Variants in DISC1 observed in about 807,000 individuals in gnomAD.
The protein encoded by DISC1 is DISC1 scaffold protein, also known as disrupted in schizophrenia 1 protein.
Under a neutral mutation model 84.5 loss-of-function variants are expected in DISC1, and 57 were observed. The ratio of observed to expected loss-of-function variants is 0.67; its 90% CI spans 0.55 to 0.84. The LOEUF is 0.84. DISC1 is among the 40% of genes least tolerant of loss of function. DISC1 has a pLI of 0.00. For missense variants in DISC1, 1,000 were observed against 1,057.8 expected (o/e 0.95, Z 0.76); for synonymous variants, 411 against 415.2 (o/e 0.99, Z 0.12).
chr1:231,647,518 C>G (rs985722940), intron 1 of DISC1, among the ~76,000 whole-genome samples: 3 of 152,186 alleles, frequency 2.0e-5, no homozygotes, highest in African/African-American at 7.2e-5. Context: ...GTTCTTCTTG[C>G]TTAGGATTGT....
chr1:231,880,067 A>C (rs2086184792), intron 9 of DISC1, among the ~76,000 whole-genome samples: 1 of 152,228 alleles, frequency 6.6e-6, no homozygotes, highest in Admixed American at 6.5e-5. Flanking sequence ...AGGTGGTTGG[A>C]TCATGAGTGC....
At chr1:232,032,416 A>T (rs1464183351) in intron 12 of DISC1, among the ~76,000 whole-genome samples, 1 of 152,176 alleles carries the variant, frequency 6.6e-6, no homozygotes, top group East Asian at 1.9e-4. Flanking sequence ...TCCTGAATGC[A>T]CCTGTCCTGC....
At chr1:231,921,755 G>A (rs1257122552) in intron 9 of DISC1, among the ~76,000 whole-genome samples, 3 of 148,506 alleles carry the variant, frequency 2.0e-5, no homozygotes, top group Non-Finnish European at 3.0e-5. Context: ...CATATGTTGT[G>A]TAATGATTAC....
chr1:231,918,772 G>T (rs1295524065), intron 9 of DISC1, among the ~76,000 whole-genome samples: 4 of 152,140 alleles, frequency 2.6e-5, no homozygotes, highest in Non-Finnish European at 4.4e-5. Flanking sequence ...GAAGAGACAT[G>T]GGGGGAAGGA....
In DISC1 at chr1:231,740,628, T is replaced by C. The variant is rs2073132231; in HGVS notation, c.1118-9298T>C. 2.0e-5 allele frequency among the ~76,000 whole-genome samples: 3 copies of C among 152,204 alleles called. No individual in the cohort carries two copies. The East Asian group carries it at 5.8e-4, about 29-fold the overall frequency. Reference sequence around the variant, plus strand: ...CAGGTTGAGTACCTCTTCTATGAAATGCTTAGAACCAGAAGTGTTTTAAAT... The same window carrying C: ...CAGGTTGAGTACCTCTTCTATGAAACGCTTAGAACCAGAAGTGTTTTAAAT... On this transcript the variant is annotated intron_variant, in intron 3 of 12. Coordinates refer to ENST00000439617, the MANE Select transcript of DISC1 (RefSeq NM_018662.3).
At chr1:231,753,871 A>AGT (rs2074869929) in intron 4 of DISC1, among the ~76,000 whole-genome samples, 2 of 152,202 alleles carry the variant, frequency 1.3e-5, no homozygotes, top group African/African-American at 4.8e-5. Context: ...GATACCCTAA[A>AGT]TCATTAATCT....
At chr1:232,021,969 G>T (rs1456062098) in intron 11 of DISC1, among the ~76,000 whole-genome samples, 1 of 152,110 alleles carries the variant, frequency 6.6e-6, no homozygotes, top group African/African-American at 2.4e-5. Context: ...CCATGTAGCT[G>T]GGGCTTCCTC....
intron 3 of DISC1, among the ~76,000 whole-genome samples, chr1:231,711,321 T>C (rs1356582754): frequency 1.3e-5 from 2 of 151,894 alleles, no homozygotes; most frequent in Non-Finnish European, 2.9e-5. Flanking sequence ...ATTTTTTTTT[T>C]AGAATTGATG....
chr1:231,770,754 A>C, intron 5 of DISC1, 81 bp from the exon 6 acceptor site: 1 of 1,557,556 alleles, frequency 6.4e-7, no homozygotes, highest in Non-Finnish European at 8.7e-7. Context: ...GCCAATTCTC[A>C]TTTAAACGAG....
At chr1:231,878,098 T>G (rs2086026646) in intron 9 of DISC1, among the ~76,000 whole-genome samples, 1 of 152,252 alleles carries the variant, frequency 6.6e-6, no homozygotes, top group African/African-American at 2.4e-5. Flanking sequence ...TTCATTCTTT[T>G]ATTAATATTT....
At chr1:231,768,393 AAGTC>A (rs1376797315) in intron 5 of DISC1, among the ~76,000 whole-genome samples, 3 of 152,130 alleles carry the variant, frequency 2.0e-5, no homozygotes, top group Non-Finnish European at 2.9e-5. Flanking sequence ...AGGGAGGAAA[AAGTC>A]AGGGCAATTT....
intron 9 of DISC1, among the ~76,000 whole-genome samples, chr1:231,904,164 G>A (rs970134969): frequency 4.6e-5 from 7 of 152,260 alleles, no homozygotes; most frequent in South Asian, 2.1e-4. Flanking sequence ...TTGAGTTGGA[G>A]GCTTTGCTCA....
At chr1:231,756,434 T>C (rs922977831) in intron 4 of DISC1, among the ~76,000 whole-genome samples, 4 of 152,212 alleles carry the variant, frequency 2.6e-5, no homozygotes, top group Admixed American at 1.3e-4. Context: ...CCATAATCTG[T>C]ATTCTATATT....
chr1:231,925,710 TA>T (rs1432250359), intron 9 of DISC1: 1 of 152,150 alleles, frequency 6.6e-6, no homozygotes, highest in Non-Finnish European at 1.5e-5. Context: ...ATCCAATGAT[TA>T]GTATTTTTTA....
chr1:231,747,491 A>G (rs2074124277), intron 3 of DISC1, among the ~76,000 whole-genome samples: 1 of 152,184 alleles, frequency 6.6e-6, no homozygotes, highest in Non-Finnish European at 1.5e-5. Context: ...CAGTTTTCCC[A>G]ACACCATTTA....
intron 11 of DISC1, among the ~76,000 whole-genome samples, chr1:232,022,631 T>C (rs1403243486): frequency 6.6e-6 from 1 of 152,160 alleles, no homozygotes; most frequent in Non-Finnish European, 1.5e-5. Flanking sequence ...GATCCCACCC[T>C]GCTCTCTCTG....
intron 9 of DISC1, among the ~76,000 whole-genome samples, chr1:231,932,714 C>T (rs1454053369): frequency 1.3e-5 from 2 of 152,148 alleles, no homozygotes; most frequent in African/African-American, 2.4e-5. Flanking sequence ...CACTGCCTCT[C>T]CAGGAGCCAA....
chr1:231,956,367 A>T (rs1245526303), intron 9 of DISC1, among the ~76,000 whole-genome samples: 2 of 152,154 alleles, frequency 1.3e-5, no homozygotes, highest in Non-Finnish European at 2.9e-5. Context: ...GTCTTTTGTT[A>T]TAGGGGTGTC....
chr1:232,038,627 C>T lies in DISC1; in HGVS notation c.*1796C>T, dbSNP rs979495645. Reference sequence around the variant, plus strand: ...CATATCCCATAGATCTAGTATTGTACAGCACTGCATTCTCTGAGGAAGTCC... The same window carrying T: ...CATATCCCATAGATCTAGTATTGTATAGCACTGCATTCTCTGAGGAAGTCC... On this transcript the variant is annotated 3_prime_UTR_variant, in exon 13 of 13. Coordinates refer to ENST00000439617, the MANE Select transcript of DISC1 (RefSeq NM_018662.3). 1.3e-5 allele frequency: 2 copies of T among 152,010 alleles called. No homozygotes were observed. Among genetic ancestry groups the T allele is most frequent in the Admixed American group, 1.3e-4 (2 of 15,250 alleles). 9.4% of individuals were successfully genotyped at this position (152,010 alleles called of 1,614,324 possible).
Sources: allele counts gnomAD v4.1 joint callset (sites outside exome capture counted in the v4.1 genomes callset), GRCh38; gene constraint gnomAD v4.1.1; transcripts MANE v1.5; gene names NCBI Gene and HGNC (gene_info 2026-07-23, HGNC 2026-07-21).